Variants in ARPIN observed in about 807,000 individuals in gnomAD.
ARPIN encodes the protein actin related protein 2/3 complex inhibitor.
A neutral mutation model predicts 25.9 loss-of-function variants in ARPIN; 23 were observed. The observed-to-expected ratio is 0.89, with a 90% confidence interval of 0.64 to 1.26. ARPIN has a LOEUF of 1.26. Among genes scored for constraint, ARPIN ranks in the 50% most tolerant of loss-of-function variants. The pLI is 0.00. For missense variants in ARPIN, 333 were observed against 312.2 expected (o/e 1.07, Z -0.50); for synonymous variants, 126 against 131.4 (o/e 0.96, Z 0.28).
At chr15:89,905,789 A>C (rs771875344) in intron 3 of ARPIN, among the ~76,000 whole-genome samples, 4 of 151,156 alleles carry the variant, frequency 2.6e-5, no homozygotes, top group African/African-American at 9.7e-5. Flanking sequence ...TCCTGGGCCC[A>C]CTTCTTTTCT....
rs1025116310 is a variant in ARPIN, at chr15:89,896,219, A to C, written c.*5576T>G. The C allele has an allele frequency of 1.3e-5, 2 of 152,232 alleles. No homozygotes were observed. Among genetic ancestry groups the C allele is most frequent in the Admixed American group, 1.3e-4 (2 of 15,278 alleles). 9.4% of individuals were successfully genotyped at this position (152,232 alleles called of 1,614,324 possible). A position where few individuals can be genotyped will look rare whatever the true frequency, so the allele number is the denominator to read the frequency against. Reference sequence around the variant, plus strand: ...CAGTTTTTAAATAAATAAAAACCAAAAGTCAGTTGCACTGAAACTTGACAA... The same window carrying C: ...CAGTTTTTAAATAAATAAAAACCAACAGTCAGTTGCACTGAAACTTGACAA... On this transcript the variant is annotated 3_prime_UTR_variant, in exon 6 of 6. Coordinates refer to ENST00000357484, the MANE Select transcript of ARPIN (RefSeq NM_182616.4).
At chr15:89,910,654 C>T (rs1897206629) in intron 2 of ARPIN, 90 bp downstream of exon 2, 1 of 1,533,108 alleles carries the variant, frequency 6.5e-7, no homozygotes, top group East Asian at 2.3e-5. Flanking sequence ...CAACTCATGG[C>T]ACTGGAAGGA....
chr15:89,908,149 A>G (rs1897157612), intron 3 of ARPIN, 131 bp downstream of exon 3: 1 of 1,432,144 alleles, frequency 7.0e-7, no homozygotes. Flanking sequence ...TGGAAGCCTC[A>G]GGCCACATAC....
chr15:89,907,045 G>A (rs1897132344), intron 3 of ARPIN, among the ~76,000 whole-genome samples: 1 of 133,604 alleles, frequency 7.5e-6, no homozygotes, highest in Non-Finnish European at 1.6e-5. Flanking sequence ...GAAGTAAAGT[G>A]GCCATCAAAA....
chr15:89,908,545 A>G, intron 2 of ARPIN, 133 bp from the exon 3 acceptor site: 1 of 1,452,794 alleles, frequency 6.9e-7, no homozygotes, highest in Non-Finnish European at 9.2e-7. Context: ...TGTTCAAGCT[A>G]GGCAGATGCT....
chr15:89,907,461 T>C (rs1168287750), intron 3 of ARPIN, among the ~76,000 whole-genome samples: 9 of 152,194 alleles, frequency 5.9e-5, no homozygotes, highest in Admixed American at 1.3e-4. Flanking sequence ...AGGTGAGTCA[T>C]GGCATACGAG....
chr15:89,908,649 C>T (rs979157550), intron 2 of ARPIN, among the ~76,000 whole-genome samples: 3 of 152,116 alleles, frequency 2.0e-5, no homozygotes, highest in African/African-American at 7.2e-5. Context: ...AGGGCAAGCC[C>T]AGGGCTTCCA....
At chr15:89,902,446 T>A (rs540858952) in intron 5 of ARPIN, among the ~76,000 whole-genome samples, 1 of 151,916 alleles carries the variant, frequency 6.6e-6, no homozygotes, top group Non-Finnish European at 1.5e-5. Flanking sequence ...AATGTTCATT[T>A]TGGGGCCTTA....
Position 89,903,910 on chromosome 15 carries a change from C to T in ARPIN, c.375G>A (p.Leu125=), listed in dbSNP as rs1476272022. 1 of 1,613,538 alleles carries T rather than the reference C, an allele frequency of 6.2e-7. No homozygotes were observed. Among genetic ancestry groups the T allele is most frequent in the Non-Finnish European group, 8.5e-7 (1 of 1,180,024 alleles). Residue 125 remains leucine (L), a synonymous_variant, in exon 4 of 6, where the codon CTG becomes CTA. Coordinates refer to ENST00000357484, the MANE Select transcript of ARPIN (RefSeq NM_182616.4). Reference sequence around the variant, plus strand: ...GGGTGAGGCTCTCTGTCAGCGCGAGCAGCTCTGGCTTGTTGACCAGCCCCT... The same window carrying T: ...GGGTGAGGCTCTCTGTCAGCGCGAGTAGCTCTGGCTTGTTGACCAGCCCCT... ...ALKGLVNKPE[L]LALTESLTPD... is the part of the protein sequence containing the mutation.
rs963659926 is a variant in ARPIN, at chr15:89,896,269, T to C, written c.*5526A>G. 2 of 152,220 alleles carry C rather than the reference T, an allele frequency of 1.3e-5. No homozygotes were observed. The highest frequency in any genetic ancestry group is 4.8e-5 in the African/African-American group (2 of 41,470). The allele number at this position is 152,220 out of a possible 1,614,324, so 9.4% of individuals were successfully genotyped here. ...AAATGTTTAAAATGTTGAGGAAGAA[T>C]ATCAAAGAAAATTCTGAAACAGAAT... is the stretch of plus-strand genomic sequence containing the variant. On this transcript the variant is annotated 3_prime_UTR_variant, in exon 6 of 6. Coordinates refer to ENST00000357484, the MANE Select transcript of ARPIN (RefSeq NM_182616.4).
chr15:89,912,517 G>A (rs1897243061), intron 1 of ARPIN: 1 of 1,298,986 alleles, frequency 7.7e-7, no homozygotes. Flanking sequence ...CTCGAGGGCA[G>A]GCGGACAGGC....
intron 5 of ARPIN, among the ~76,000 whole-genome samples, chr15:89,902,392 G>A (rs996665690): frequency 1.3e-5 from 2 of 151,336 alleles, no homozygotes; most frequent in African/African-American, 2.4e-5. Flanking sequence ...TGGGCAATAA[G>A]AGTGAAACTC....
rs1285142209 is a variant in ARPIN at position 89,912,891 on chromosome 15, G to C, written c.-56C>G. 6.8e-7 allele frequency: 1 copy of C among 1,464,336 alleles called. No homozygotes were observed. The highest frequency in any genetic ancestry group is 9.0e-7 in the Non-Finnish European group (1 of 1,114,792). 90.7% of individuals were successfully genotyped at this position (1,464,336 alleles called of 1,614,324 possible). ...AGCCGGCGCACTGGGCTGGGGGCGCGGCGCGGGAAGTGCTGCAGGACGCGC... is the reference window on the plus strand; with the variant it reads ...AGCCGGCGCACTGGGCTGGGGGCGCCGCGCGGGAAGTGCTGCAGGACGCGC... On this transcript the variant is annotated 5_prime_UTR_variant, in exon 1 of 6. Coordinates refer to ENST00000357484, the MANE Select transcript of ARPIN (RefSeq NM_182616.4).
Position 89,895,621 on chromosome 15 carries a change from A to G in ARPIN, c.*6174T>C, listed in dbSNP as rs991749315. The G allele has an allele frequency of 8.5e-6, 1 of 117,706 alleles. No individual in the cohort carries two copies. The highest frequency in any genetic ancestry group is 1.8e-5 in the Non-Finnish European group (1 of 55,810). 7.3% of individuals were successfully genotyped at this position (117,706 alleles called of 1,614,324 possible). A position where few individuals can be genotyped will look rare whatever the true frequency, so the allele number is the denominator to read the frequency against. On this transcript the variant is annotated 3_prime_UTR_variant, in exon 6 of 6. Coordinates refer to ENST00000357484, the MANE Select transcript of ARPIN (RefSeq NM_182616.4). ...TAAGCACTTGGACAGTGCATGGCAC[A>G]TAACTGAGTACCACATAAGTGATTT...
intron 1 of ARPIN, 35 bp downstream of exon 1, chr15:89,912,709 G>A (rs1292254763): frequency 1.7e-6 from 2 of 1,205,854 alleles, no homozygotes; most frequent in Non-Finnish European, 2.1e-6. Flanking sequence ...GCCGGGGCAG[G>A]GGAGGCCGAC....
rs1259747254 is a variant in ARPIN at position 89,897,940 on chromosome 15, A to C, written c.*3855T>G. 6.6e-6 allele frequency: 1 copy of C among 152,032 alleles called. No individual in the cohort carries two copies. The highest frequency in any genetic ancestry group is 1.5e-5 in the Non-Finnish European group (1 of 68,016). The allele number at this position is 152,032 out of a possible 1,614,324, so 9.4% of individuals were successfully genotyped here. The stretch of plus-strand genomic sequence containing the variant: ...ATGGTGAAATCGCATCTCTACTAAA[A>C]GTACAAAATTAGCTAGTCGTGGTGG... On this transcript the variant is annotated 3_prime_UTR_variant, in exon 6 of 6. Coordinates refer to ENST00000357484, the MANE Select transcript of ARPIN (RefSeq NM_182616.4).
chr15:89,910,970 A>G, intron 1 of ARPIN, 151 bp from the exon 2 acceptor site: 1 of 974,054 alleles, frequency 1.0e-6, no homozygotes, highest in Non-Finnish European at 1.5e-6. Flanking sequence ...AAGGGTCCCA[A>G]AGGCTGGGGC....
chr15:89,910,620 G>C, intron 2 of ARPIN, 124 bp downstream of exon 2: 1 of 1,175,594 alleles, frequency 8.5e-7, no homozygotes, highest in Non-Finnish European at 1.2e-6. Flanking sequence ...CTTCCCACTT[G>C]CTTTCTAAGC....
In ARPIN at chr15:89,897,287, A is replaced by C. The variant is rs1896944792; in HGVS notation, c.*4508T>G. On this transcript the variant is annotated 3_prime_UTR_variant, in exon 6 of 6. Coordinates refer to ENST00000357484, the MANE Select transcript of ARPIN (RefSeq NM_182616.4). ...ATCACTTGAGATCAGAAGTTCAAGA[A>C]AAGCCTGGCTGACATGGTGAAACCC... 6.6e-6 allele frequency: 1 copy of C among 151,914 alleles called. No homozygotes were observed. The highest frequency in any genetic ancestry group is 1.5e-5 in the Non-Finnish European group (1 of 67,992). The allele number at this position is 151,914 out of a possible 1,614,324, so 9.4% of individuals were successfully genotyped here.
Sources: allele counts gnomAD v4.1 joint callset (sites outside exome capture counted in the v4.1 genomes callset), GRCh38; gene constraint gnomAD v4.1.1; transcripts MANE v1.5; gene names NCBI Gene and HGNC (gene_info 2026-07-23, HGNC 2026-07-21).